Variants in EPHA10 observed in about 807,000 individuals in gnomAD.
EPHA10 encodes EPH receptor A10, also known as ephrin type-A receptor 10.
Under a neutral mutation model 109.7 loss-of-function variants are expected in EPHA10, and 120 were observed. The observed-to-expected ratio is 1.09, with a 90% CI of 0.94 to 1.27. The LOEUF (loss-of-function observed/expected upper bound fraction) is 1.27, where lower values mean the gene tolerates loss of function less well. Among genes scored for constraint, EPHA10 ranks in the 50% most tolerant of loss-of-function variants. The probability of loss-of-function intolerance (pLI) is 0.00; values close to 1 mark genes in which losing one functional copy is unlikely to be tolerated. For synonymous variants in EPHA10, 640 were observed against 618.9 expected (o/e 1.03, Z -0.51); for missense variants, 1,396 against 1,411.1 (o/e 0.99, Z 0.17).
At chr1:37,719,039 C>T (rs566240187) in intron 15 of EPHA10, 62 of 634,346 alleles carry the variant, frequency 9.8e-5, no homozygotes, top group Non-Finnish European at 1.6e-4. Flanking sequence ...AAGGTATTGG[C>T]GTATCCGGAA....
rs954927834 is a variant in EPHA10, at chr1:37,716,247, G to A, written c.*2125C>T. The A allele has an allele frequency of 3.3e-6, 1 of 299,562 alleles. No individual in the cohort carries two copies. Among genetic ancestry groups the A allele is most frequent in the Non-Finnish European group, 6.3e-6 (1 of 159,040 alleles). 18.6% of individuals were successfully genotyped at this position (299,562 alleles called of 1,614,324 possible). A position where few individuals can be genotyped will look rare whatever the true frequency, so the allele number is the denominator to read the frequency against. On this transcript the variant is annotated 3_prime_UTR_variant, in exon 17 of 17. Coordinates refer to ENST00000373048, the MANE Select transcript of EPHA10 (RefSeq NM_001099439.2). ...TGGGACCTCACTCCTCAGTGGAGGG[G>A]AGATCTACCCTGGACACCGAAGTCC...
chr1:37,735,444 G>C, intron 5 of EPHA10, 54 bp from the exon 6 acceptor site: 3 of 1,537,816 alleles, frequency 2.0e-6, no homozygotes, highest in Non-Finnish European at 2.6e-6. Context: ...CGGCAGGGCT[G>C]GGGGTGCGGG....
At position 37,749,161 on chromosome 1, in the gene EPHA10, G is replaced by A. The variant is rs150268079; in HGVS notation, c.1357+3715C>T. Reference sequence around the variant, plus strand: ...CTGGCTCAAACTCCTGACCTCAAACGATCCACCTGCCTCGGCCTCCCAAAG... The same window carrying A: ...CTGGCTCAAACTCCTGACCTCAAACAATCCACCTGCCTCGGCCTCCCAAAG... On this transcript the variant is annotated intron_variant, in intron 5 of 16. Transcript: ENST00000373048. Among the ~76,000 whole-genome samples the A allele has an allele frequency of 5.0e-3, 758 of 151,014 alleles. 6 individuals carry two copies. The highest frequency in any genetic ancestry group is 0.017 in the African/African-American group (716 of 41,292).
chr1:37,745,787 T>C lies in EPHA10; in HGVS notation c.1357+7089A>G, dbSNP rs573527115. Among the ~76,000 whole-genome samples the C allele has an allele frequency of 6.0e-3, 919 of 152,056 alleles. 10 individuals are homozygous for C. Among genetic ancestry groups the C allele is most frequent in the African/African-American group, 0.021 (862 of 41,490 alleles). The stretch of plus-strand genomic sequence containing the variant: ...ATTGCTTGAACCTGGGAAGCGGAGG[T>C]TGCAGTGAGCTGAGATCGCACCACT... On this transcript the variant is annotated intron_variant, in intron 5 of 16. Transcript: ENST00000373048.
In EPHA10 at chr1:37,719,925, TC is replaced by T; in HGVS notation, c.2545del (p.Asp849ThrfsTer7). 6.2e-7 allele frequency: 1 copy of T among 1,613,926 alleles called. No individual in the cohort carries two copies. The highest frequency in any genetic ancestry group is 8.5e-7 in the Non-Finnish European group (1 of 1,180,016). On this transcript the variant is annotated frameshift_variant, in exon 14 of 17. Coordinates refer to ENST00000373048, the MANE Select transcript of EPHA10 (RefSeq NM_001099439.2). LOFTEE classifies it high-confidence loss of function. ...VMAFGERPYWDMSGQDVIKAV... is the reference protein window; with the variant it reads ...VMAFGERPYWXMSGQDVIKAV... ...GTTACTCACGTCTTGGCCAGACATG[TC>T]CCAGTAAGGCCGCTCCCCAAAGGCC...
Position 37,718,294 on chromosome 1 carries a change from G to T in EPHA10, c.*78C>A. ...GCGCTCCCTCCCACACTGCTGGAGC[G>T]CAGCTTGCCACGGTCCTTGGGCAGG... On this transcript the variant is annotated 3_prime_UTR_variant, in exon 17 of 17. Transcript: ENST00000373048. 1.6e-6 allele frequency: 2 copies of T among 1,261,440 alleles called. No homozygotes were observed. Among genetic ancestry groups the T allele is most frequent in the Non-Finnish European group, 2.2e-6 (2 of 895,502 alleles). The allele number at this position is 1,261,440 out of a possible 1,614,324, so 78.1% of individuals were successfully genotyped here.
In EPHA10 at chr1:37,717,231, G is replaced by T; in HGVS notation, c.*1141C>A. Reference sequence around the variant, plus strand: ...GGCTCAGCACAACCACTTCTGCCAGGGCTCTTCAAAGTCAGAGCAGGGAGG... The same window carrying T: ...GGCTCAGCACAACCACTTCTGCCAGTGCTCTTCAAAGTCAGAGCAGGGAGG... On this transcript the variant is annotated 3_prime_UTR_variant, in exon 17 of 17. Transcript: ENST00000373048. 4.3e-6 allele frequency: 1 copy of T among 232,944 alleles called. No homozygotes were observed. The highest frequency in any genetic ancestry group is 6.0e-5 in the East Asian group (1 of 16,532). 14.4% of individuals were successfully genotyped at this position (232,944 alleles called of 1,614,324 possible).
rs1646434837 is a variant in EPHA10 at position 37,761,806 on chromosome 1, CG to C, written c.448del (p.Arg150AlafsTer22). On this transcript the variant is annotated frameshift_variant, in exon 3 of 17. Coordinates refer to ENST00000373048, the MANE Select transcript of EPHA10 (RefSeq NM_001099439.2). LOFTEE classifies it high-confidence loss of function. ...GRPRLGGSRP[R>X]KIDTIAADES... ...GTCCGCCGCGATCGTGTCGATTTTGCGGGGCCGGCTGCCGCCTAGGCGGGGA... is the reference window on the plus strand; with the variant it reads ...GTCCGCCGCGATCGTGTCGATTTTGCGGGCCGGCTGCCGCCTAGGCGGGGA... 6.2e-7 allele frequency: 1 copy of C among 1,613,580 alleles called. No individual in the cohort carries two copies. Among genetic ancestry groups the C allele is most frequent in the South Asian group, 1.1e-5 (1 of 91,042 alleles).
chr1:37,728,555 G>T (rs917156734), intron 7 of EPHA10, among the ~76,000 whole-genome samples: 6 of 152,184 alleles, frequency 3.9e-5, no homozygotes, highest in Admixed American at 1.3e-4. Context: ...CAAGTCTGGG[G>T]ACTAGCAGGT....
In EPHA10 at chr1:37,753,130, C is replaced by T; in HGVS notation, c.1103G>A (p.Arg368His). Residue 368 changes from arginine to histidine, a missense_variant, in exon 5 of 17, where the codon CGC becomes CAC. By Grantham distance (29) the Arg-to-His change is conservative. Transcript: ENST00000373048. ...CAGCAGCGAGTAGGTGACGTCCGAG[C>T]GGCCTCCCGAGTCGGCCGGCGGCAG... ...RWLPPADSGG[R>H]SDVTYSLLCL... The T allele has an allele frequency of 2.8e-6, 4 of 1,404,820 alleles. No individual in the cohort carries two copies. Among genetic ancestry groups the T allele is most frequent in the Admixed American group, 2.7e-5 (1 of 36,554 alleles). The allele number at this position is 1,404,820 out of a possible 1,614,324, so 87.0% of individuals were successfully genotyped here. A position where few individuals can be genotyped will look rare whatever the true frequency, so the allele number is the denominator to read the frequency against.
At chr1:37,733,524 T>C (rs1261339422) in intron 6 of EPHA10, among the ~76,000 whole-genome samples, 1 of 152,154 alleles carries the variant, frequency 6.6e-6, no homozygotes, top group Non-Finnish European at 1.5e-5. Context: ...TGGCCCTTGC[T>C]CCTCTTTTTG....
At chr1:37,732,471 G>A (rs185020156) in intron 6 of EPHA10, among the ~76,000 whole-genome samples, 278 of 152,196 alleles carry the variant, frequency 1.8e-3, no homozygotes, top group Non-Finnish European at 2.5e-3. Context: ...ACTGATATTC[G>A]GTGGCTCCAG....
intron 6 of EPHA10, among the ~76,000 whole-genome samples, chr1:37,732,890 TTTTTTTTTTTTTTTTTTG>T (rs1646010742): frequency 9.1e-6 from 1 of 109,470 alleles, no homozygotes; most frequent in African/African-American, 4.0e-5. Flanking sequence ...TTTTTTTTTT[TTTTTTTTTTTTTTTTTTG>T]AGGCAGAGTC....
At chr1:37,760,919 A>T (rs751013358) in intron 3 of EPHA10, 9 of 185,684 alleles carry the variant, frequency 4.8e-5, no homozygotes, top group Non-Finnish European at 7.9e-5. Context: ...CCCCGTCTCT[A>T]CTAAAAATAC....
At chr1:37,757,405 A>G (rs1305808191) in intron 3 of EPHA10, among the ~76,000 whole-genome samples, 3 of 152,144 alleles carry the variant, frequency 2.0e-5, no homozygotes, top group Admixed American at 2.0e-4. Context: ...ATGTCCTCCA[A>G]CAGCTCCCCA....
At position 37,752,993 on chromosome 1, in the gene EPHA10, G is replaced by A. The variant is rs1646352930; in HGVS notation, c.1240C>T (p.His414Tyr). 6 of 1,237,690 alleles carry A rather than the reference G, an allele frequency of 4.8e-6. No homozygotes were observed. The highest frequency in any genetic ancestry group is 1.6e-5 in the African/African-American group (1 of 62,960). The allele number at this position is 1,237,690 out of a possible 1,614,324, so 76.7% of individuals were successfully genotyped here. ...GLRERAATLLHLRPGARYTVR... is the reference protein window; with the variant it reads ...GLRERAATLLYLRPGARYTVR... Reference sequence around the variant, plus strand: ...GTGTAGCGCGCGCCGGGCCGCAGGTGCAGCAGCGTGGCGGCTCGCTCCCGC... The same window carrying A: ...GTGTAGCGCGCGCCGGGCCGCAGGTACAGCAGCGTGGCGGCTCGCTCCCGC... Residue 414 changes from histidine (H) to tyrosine (Y), a missense_variant, in exon 5 of 17, where the codon CAC becomes TAC. Physicochemically the swap from His to Tyr is moderately conservative, Grantham distance 83. Transcript: ENST00000373048.
chr1:37,731,366 G>C, intron 7 of EPHA10, 45 bp downstream of exon 7: 1 of 1,518,014 alleles, frequency 6.6e-7, no homozygotes, highest in Non-Finnish European at 8.9e-7. Context: ...CCCCGTGCAG[G>C]GTTCTCTCTG....
chr1:37,752,416 C>A (rs188014272), intron 5 of EPHA10, among the ~76,000 whole-genome samples: 8 of 152,098 alleles, frequency 5.3e-5, no homozygotes, highest in Admixed American at 5.2e-4. Context: ...TCCGGCTTCC[C>A]GAGACAGAGG....
chr1:37,742,200 G>A (rs1646165526), intron 5 of EPHA10, among the ~76,000 whole-genome samples: 1 of 152,228 alleles, frequency 6.6e-6, no homozygotes, highest in East Asian at 1.9e-4. Context: ...GCACCCAAGT[G>A]GGGCCAAAGT....
Sources: allele counts gnomAD v4.1 joint callset (sites outside exome capture counted in the v4.1 genomes callset), GRCh38; gene constraint gnomAD v4.1.1; transcripts MANE v1.5; gene names NCBI Gene and HGNC (gene_info 2026-07-23, HGNC 2026-07-21).